The following TUFT1 variants were observed in gnomAD, a reference collection of about 807,000 sequenced individuals.
TUFT1 encodes the protein tuftelin 1, also known as tuftelin.
Under a neutral mutation model 57.8 loss-of-function variants are expected in TUFT1, and 43 were observed. The observed-to-expected ratio is 0.74, with a 90% confidence interval of 0.58 to 0.96. The LOEUF is 0.96. TUFT1 is among the 40% of genes least tolerant of loss of function. The pLI, the probability that TUFT1 is intolerant of heterozygous loss-of-function variation, is 0.00. For synonymous variants in TUFT1, 166 were observed against 176.7 expected (o/e 0.94, Z 0.48); for missense variants, 459 against 489.0 (o/e 0.94, Z 0.58).
At chr1:151,578,581 T>C in intron 9 of TUFT1, 140 bp from the exon 10 acceptor site, 1 of 608,714 alleles carries the variant, frequency 1.6e-6, no homozygotes, top group South Asian at 1.8e-5. Flanking sequence ...ACCCACCACC[T>C]ACTCTTCAGA....
chr1:151,567,330 C>T (rs1163820330), intron 6 of TUFT1, among the ~76,000 whole-genome samples: 4 of 152,112 alleles, frequency 2.6e-5, no homozygotes, highest in South Asian at 4.1e-4. Context: ...CCTCCTGCCT[C>T]AGCCTGGGAG....
intron 1 of TUFT1, among the ~76,000 whole-genome samples, chr1:151,543,763 G>A (rs1486538740): frequency 6.6e-6 from 1 of 152,082 alleles, no homozygotes; most frequent in East Asian, 1.9e-4. Context: ...TTGGCCCCCA[G>A]TTGTCCAGAG....
At chr1:151,556,382 C>T (rs1042848343) in intron 1 of TUFT1, among the ~76,000 whole-genome samples, 4 of 148,896 alleles carry the variant, frequency 2.7e-5, no homozygotes, top group Non-Finnish European at 4.5e-5. Context: ...CCCTTCCTTT[C>T]TCCTCCCCCT....
chr1:151,569,390 T>TA (rs531950093), intron 6 of TUFT1, among the ~76,000 whole-genome samples: 157 of 152,312 alleles, frequency 1.0e-3, no homozygotes, highest in Non-Finnish European at 1.5e-3. Flanking sequence ...AGTGGATACA[T>TA]ACATGAAATA....
At chr1:151,561,501 A>ACT (rs1665892385) in intron 1 of TUFT1, 1 of 942,646 alleles carries the variant, frequency 1.1e-6, no homozygotes, top group Non-Finnish European at 1.3e-6. Context: ...ACACACACAC[A>ACT]CACACTTCTT....
intron 7 of TUFT1, 59 bp downstream of exon 7, chr1:151,569,829 C>A: frequency 1.5e-6 from 2 of 1,330,456 alleles, no homozygotes; most frequent in Non-Finnish European, 2.2e-6. Flanking sequence ...AACACAGGTG[C>A]CAGTGATGTC....
At chr1:151,543,959 CT>C (rs1665249211) in intron 1 of TUFT1, among the ~76,000 whole-genome samples, 1 of 150,388 alleles carries the variant, frequency 6.6e-6, no homozygotes, top group Non-Finnish European at 1.5e-5. Context: ...CCCTCTCTTC[CT>C]TCTTTCCATC....
chr1:151,569,832 G>T, intron 7 of TUFT1, 62 bp downstream of exon 7: 2 of 1,323,298 alleles, frequency 1.5e-6, no homozygotes, highest in Non-Finnish European at 2.2e-6. Context: ...ACAGGTGCCA[G>T]TGATGTCTCA....
At chr1:151,544,161 C>A (rs1195322276) in intron 1 of TUFT1, among the ~76,000 whole-genome samples, 1 of 151,560 alleles carries the variant, frequency 6.6e-6, no homozygotes, top group Non-Finnish European at 1.5e-5. Context: ...TTTCATTTTT[C>A]GTAGATATGG....
At chr1:151,560,455 C>T (rs1188910340) in intron 1 of TUFT1, among the ~76,000 whole-genome samples, 4 of 152,080 alleles carry the variant, frequency 2.6e-5, no homozygotes, top group South Asian at 4.1e-4. Flanking sequence ...GTAATATACC[C>T]CTTTTACAGA....
Position 151,540,374 on chromosome 1 carries a change from G to A in TUFT1, c.8G>A (p.Gly3Glu), listed in dbSNP as rs1665118331. The A allele has an allele frequency of 1.2e-6, 2 of 1,614,046 alleles. No individual in the cohort carries two copies. The highest frequency in any genetic ancestry group is 3.3e-5 in the Admixed American group (2 of 60,010). Residue 3 changes from glycine (G) to glutamate (E), a missense_variant, in exon 1 of 13, where the codon GGG becomes GAG. Gly to Glu is a moderately conservative substitution (Grantham distance 98). Transcript: ENST00000368849. ...CTGCGACCCCGAGGGAAGATGAACGGGACGCGGAACTGGTGTACCCTGGTG... is the reference window on the plus strand; with the variant it reads ...CTGCGACCCCGAGGGAAGATGAACGAGACGCGGAACTGGTGTACCCTGGTG... Reference protein sequence around the residue: MNGTRNWCTLVDV... With the variant: MNETRNWCTLVDV...
chr1:151,555,987 C>G (rs1665686072), intron 1 of TUFT1, among the ~76,000 whole-genome samples: 1 of 152,038 alleles, frequency 6.6e-6, no homozygotes, highest in Non-Finnish European at 1.5e-5. Flanking sequence ...CTTTGAGAGC[C>G]ACACTCATTT....
rs2102542505 is a variant in TUFT1, at chr1:151,566,222, A to G, written c.474A>G (p.Pro158=). The G allele has an allele frequency of 6.2e-7, 1 of 1,611,104 alleles. No individual in the cohort carries two copies. The highest frequency in any genetic ancestry group is 2.2e-5 in the East Asian group (1 of 44,858). Residue 158 remains proline, a synonymous_variant, in exon 6 of 13, where the codon CCA becomes CCG. Coordinates refer to ENST00000368849, the MANE Select transcript of TUFT1 (RefSeq NM_020127.3). The part of the protein sequence containing the change: ...SQSPTALYSS[P]PEVDTCINED... ...GTCCCACAGCCCTGTACAGCAGCCC[A>G]CCTGAGGTAGGTAACAGAGGACACC...
chr1:151,564,738 A>G, intron 5 of TUFT1, 124 bp downstream of exon 5: 1 of 804,056 alleles, frequency 1.2e-6, no homozygotes, highest in South Asian at 1.6e-5. Flanking sequence ...GAGAAAATAG[A>G]GGTGATGCTG....
chr1:151,577,685 C>A (rs1303308984), intron 9 of TUFT1, among the ~76,000 whole-genome samples: 1 of 152,104 alleles, frequency 6.6e-6, no homozygotes, highest in Admixed American at 6.5e-5. Context: ...TTCTGTCTTT[C>A]TCCTCCAAAT....
At chr1:151,559,605 C>T (rs893991874) in intron 1 of TUFT1, among the ~76,000 whole-genome samples, 5 of 152,144 alleles carry the variant, frequency 3.3e-5, no homozygotes, top group African/African-American at 1.2e-4. Flanking sequence ...TTGCATGCCA[C>T]TCTAAGGATG....
In TUFT1 at chr1:151,561,990, C is replaced by T. The variant is rs1264989320; in HGVS notation, c.61-101C>T. ...GTCTGTGAAGTGGTGATGATAAGAC[C>T]CGCTCCACAGAGCTGGCAGAAGCAC... On this transcript the variant is annotated intron_variant, in intron 1 of 12. Coordinates refer to ENST00000368849, the MANE Select transcript of TUFT1 (RefSeq NM_020127.3). 4 of 1,479,146 alleles carry T rather than the reference C, an allele frequency of 2.7e-6. No individual in the cohort carries two copies. The Admixed American group carries it at 5.3e-5, about 20-fold the overall frequency. 91.6% of individuals were successfully genotyped at this position (1,479,146 alleles called of 1,614,324 possible).
chr1:151,573,773 A>T (rs1401362283), intron 7 of TUFT1, among the ~76,000 whole-genome samples: 1 of 152,194 alleles, frequency 6.6e-6, no homozygotes, highest in African/African-American at 2.4e-5. Flanking sequence ...TAAATAAATA[A>T]GACAAATTCT....
intron 6 of TUFT1, among the ~76,000 whole-genome samples, chr1:151,569,074 G>A (rs1394129986): frequency 6.6e-6 from 1 of 152,222 alleles, no homozygotes; most frequent in East Asian, 1.9e-4. Flanking sequence ...AGACTGAGCA[G>A]TTACCTCGAT....
Sources: gnomAD v4.1 joint callset for allele counts (sites outside exome capture counted in the v4.1 genomes callset) on GRCh38, gnomAD v4.1.1 for gene constraint, MANE v1.5 for transcripts, NCBI Gene and HGNC (gene_info 2026-07-23, HGNC 2026-07-21) for gene names.